The following TTLL9 variants were observed in gnomAD, a reference collection of about 807,000 sequenced individuals.
TTLL9 encodes the protein probable tubulin polyglutamylase TTLL9.
TTLL9 carries 47 observed loss-of-function variants against 65.6 expected under a neutral mutation model. The observed-to-expected ratio is 0.72, with a 90% CI of 0.57 to 0.91. The LOEUF (loss-of-function observed/expected upper bound fraction) is 0.91, where lower values mean the gene tolerates loss of function less well. TTLL9 is among the 40% of genes least tolerant of loss of function. The probability of loss-of-function intolerance (pLI) is 0.00; values close to 1 mark genes in which losing one functional copy is unlikely to be tolerated. For missense variants in TTLL9, 537 were observed against 568.8 expected, an observed-to-expected ratio of 0.94 and a Z score of 0.57; for synonymous variants, 179 against 204.8, an observed-to-expected ratio of 0.87 and a Z score of 1.07.
chr20:31,925,791 T>C (rs946199007), intron 9 of TTLL9: 16 of 1,283,160 alleles, frequency 1.2e-5, no homozygotes, highest in East Asian at 2.5e-5. Context: ...GAGGAAACGG[T>C]AGGTGCAAGA....
intron 2 of TTLL9, among the ~76,000 whole-genome samples, chr20:31,877,661 A>AT (rs2063055353): frequency 6.6e-6 from 1 of 151,884 alleles, no homozygotes; most frequent in Admixed American, 6.6e-5. Context: ...TGAGTCCTCT[A>AT]TTTTTTCCCC....
At chr20:31,931,302 C>G (rs2123610402) in intron 10 of TTLL9, among the ~76,000 whole-genome samples, 1 of 152,192 alleles carries the variant, frequency 6.6e-6, no homozygotes, top group African/African-American at 2.4e-5. Flanking sequence ...TGGTCTCAAA[C>G]TCCTGGGCTC....
chr20:31,924,906 A>C (rs1178302021), intron 8 of TTLL9, 103 bp from the exon 9 acceptor site: 13 of 1,279,026 alleles, frequency 1.0e-5, no homozygotes, highest in Non-Finnish European at 1.4e-5. Context: ...GAGCTTCATG[A>C]AGGCGGGGTT....
intron 6 of TTLL9, 114 bp downstream of exon 6, chr20:31,910,036 G>C: frequency 9.5e-7 from 1 of 1,056,186 alleles, no homozygotes; most frequent in East Asian, 2.6e-5. Context: ...CTGCCTTCCC[G>C]AAGGGCCAGC....
chr20:31,895,661 C>T (rs1422777104), intron 3 of TTLL9, among the ~76,000 whole-genome samples: 1 of 151,924 alleles, frequency 6.6e-6, no homozygotes, highest in Non-Finnish European at 1.5e-5. Flanking sequence ...CTCAGCCTCC[C>T]GGGTAGCTGG....
chr20:31,896,859 C>A (rs1003792163), intron 3 of TTLL9, among the ~76,000 whole-genome samples: 3 of 152,134 alleles, frequency 2.0e-5, no homozygotes, highest in African/African-American at 7.2e-5. Context: ...ATTGAACCAG[C>A]CTTGCCTACT....
At chr20:31,919,991 G>GAGT in intron 7 of TTLL9, 59 bp downstream of exon 7, 1 of 1,408,358 alleles carries the variant, frequency 7.1e-7, no homozygotes, top group Non-Finnish European at 9.5e-7. Context: ...CCAGCAGGAG[G>GAGT]GGCCACTCCT....
At chr20:31,910,675 AC>A (rs1416211410) in intron 6 of TTLL9, among the ~76,000 whole-genome samples, 1 of 152,204 alleles carries the variant, frequency 6.6e-6, no homozygotes, top group Non-Finnish European at 1.5e-5. Context: ...GTGTTAGGGG[AC>A]TAAATGAGTT....
rs377376777 is a variant in TTLL9 at position 31,934,457 on chromosome 20, G to A, written c.808-235G>A. On this transcript the variant is annotated intron_variant, in intron 11 of 14. Coordinates refer to ENST00000535842, the MANE Select transcript of TTLL9 (RefSeq NM_001008409.5). ...AGTCAGGCTCAGAAAAGGGGCCTAC[G>A]CAGGCCATGTGGGCAGGGACTTCTG... 2.8e-4 allele frequency: 186 copies of A among 665,280 alleles called. No individual in the cohort carries two copies. The East Asian group carries it at 3.9e-3, about 14-fold the overall frequency. The allele number at this position is 665,280 out of a possible 1,614,324, so 41.2% of individuals were successfully genotyped here.
intron 3 of TTLL9, among the ~76,000 whole-genome samples, chr20:31,897,839 T>C (rs1029916917): frequency 6.6e-6 from 1 of 152,194 alleles, no homozygotes; most frequent in Non-Finnish European, 1.5e-5. Context: ...AGAGCAGTGA[T>C]TGCCCAAGTC....
intron 4 of TTLL9, among the ~76,000 whole-genome samples, chr20:31,907,677 C>T (rs1338797952): frequency 6.6e-6 from 1 of 151,492 alleles, no homozygotes; most frequent in Non-Finnish European, 1.5e-5. Flanking sequence ...ACTGAGATCT[C>T]GCCATTGCAC....
chr20:31,930,975 A>C (rs1480878476), intron 10 of TTLL9, among the ~76,000 whole-genome samples: 1 of 151,898 alleles, frequency 6.6e-6, no homozygotes, highest in African/African-American at 2.4e-5. Flanking sequence ...AGGCGGGAGC[A>C]GTGTGTGAAG....
At chr20:31,936,079 T>C (rs986460594) in intron 12 of TTLL9, among the ~76,000 whole-genome samples, 11 of 152,128 alleles carry the variant, frequency 7.2e-5, no homozygotes, top group African/African-American at 2.7e-4. Flanking sequence ...TGCTGTGTAG[T>C]GGAAAGGGGC....
At chr20:31,874,960 T>A (rs7264530) in intron 2 of TTLL9, among the ~76,000 whole-genome samples, 105,761 of 152,052 alleles carry the variant, frequency 0.7, 37,478 homozygotes, top group African/African-American at 0.81. Context: ...AACCCTGCCG[T>A]CACCTTCATT....
intron 2 of TTLL9, among the ~76,000 whole-genome samples, chr20:31,876,952 C>T (rs1242796900): frequency 3.3e-5 from 5 of 152,064 alleles, no homozygotes; most frequent in African/African-American, 7.3e-5. Context: ...TCAAATCATA[C>T]GATTATTTTT....
chr20:31,873,720 AAGAAAGAAAGAAAG>A (rs1212639499), intron 2 of TTLL9, among the ~76,000 whole-genome samples: 1 of 144,044 alleles, frequency 6.9e-6, no homozygotes, highest in Admixed American at 7.4e-5. Flanking sequence ...GAAAGAAAGA[AAGAAAGAAAGAAAG>A]AAAAAGGAAG....
intron 3 of TTLL9, among the ~76,000 whole-genome samples, chr20:31,887,743 A>C (rs112047608): frequency 2.6e-5 from 4 of 152,344 alleles, no homozygotes; most frequent in African/African-American, 9.6e-5. Context: ...TGCACAAAGG[A>C]GGAGTGAGCA....
intron 3 of TTLL9, among the ~76,000 whole-genome samples, chr20:31,895,255 G>T (rs1380912232): frequency 6.6e-6 from 1 of 152,170 alleles, no homozygotes. Flanking sequence ...TATGAGAGCT[G>T]GCGAGTTCAG....
At position 31,908,608 on chromosome 20, in the gene TTLL9, T is replaced by G. The variant is rs369959828; in HGVS notation, c.224T>G (p.Phe75Cys). Residue 75 changes from phenylalanine to cysteine, a missense_variant, in exon 5 of 15, where the codon TTC becomes TGC. By Grantham distance (205) the Phe-to-Cys change is radical (BLOSUM62 -2). This residue lies in a region of TTLL9 where 320 missense variants were observed against 311.0 expected (regional missense o/e 1.03). Coordinates refer to ENST00000535842, the MANE Select transcript of TTLL9 (RefSeq NM_001008409.5). ...ACCCCCAGCGAAGGGGAGTGGGATT[T>G]CTACTGGTGTGACGTCAGCTGGCTC... ...VEVKDEGEWD[F>C]YWCDVSWLRE... 1.3e-4 allele frequency: 213 copies of G among 1,614,118 alleles called. No homozygotes were observed. The highest frequency in any genetic ancestry group is 1.7e-4 in the Non-Finnish European group (199 of 1,179,986).
Sources: allele counts gnomAD v4.1 joint callset (sites outside exome capture counted in the v4.1 genomes callset), GRCh38; gene constraint gnomAD v4.1.1; regional missense constraint gnomAD v4.1.1; transcripts MANE v1.5; gene names NCBI Gene and HGNC (gene_info 2026-07-23, HGNC 2026-07-21).